Variants in PHF11 observed in about 807,000 individuals in gnomAD.
The protein encoded by PHF11 is PHD finger protein 11.
In PHF11, 38 loss-of-function variants were observed where a neutral mutation model predicts 40.5. That is an observed-to-expected ratio of 0.94 (90% CI 0.72 to 1.23). PHF11 has a LOEUF of 1.23. PHF11 is among the 50% of genes most tolerant of loss of function. The pLI, the probability that PHF11 is intolerant of heterozygous loss-of-function variation, is 0.00. For missense variants in PHF11, 369 were observed against 392.4 expected (o/e 0.94, Z 0.50); for synonymous variants, 127 against 138.2 (o/e 0.92, Z 0.57).
At chr13:49,525,484 G>C (rs879885092) in intron 8 of PHF11, among the ~76,000 whole-genome samples, 3 of 152,174 alleles carry the variant, frequency 2.0e-5, no homozygotes, top group Non-Finnish European at 2.9e-5. Context: ...CTGATCTCAT[G>C]TGATCTGCCC....
At chr13:49,511,991 G>A (rs186482741) in intron 2 of PHF11, among the ~76,000 whole-genome samples, 1 of 152,278 alleles carries the variant, frequency 6.6e-6, no homozygotes, top group East Asian at 1.9e-4. Flanking sequence ...AACCTTAAAA[G>A]TGATTGCATT....
At chr13:49,517,489 A>T (rs1327294694) in intron 3 of PHF11, among the ~76,000 whole-genome samples, 7 of 152,232 alleles carry the variant, frequency 4.6e-5, no homozygotes, top group South Asian at 2.1e-4. Flanking sequence ...TAGAATTTTT[A>T]AAAATTTTTG....
intron 9 of PHF11, among the ~76,000 whole-genome samples, chr13:49,527,995 T>C (rs73493244): frequency 0.04 from 6,104 of 152,328 alleles, 412 homozygotes; most frequent in African/African-American, 0.14. Context: ...CTACTATTTG[T>C]TATTTATAAA....
intron 2 of PHF11, among the ~76,000 whole-genome samples, chr13:49,509,828 A>C (rs1255588770): frequency 6.6e-6 from 1 of 151,550 alleles, no homozygotes; most frequent in Non-Finnish European, 1.5e-5. Context: ...AGTCCATTAA[A>C]CCTCTTTTTC....
chr13:49,496,124 C>T (rs1958801113), intron 1 of PHF11, 29 bp downstream of exon 1: 2 of 358,092 alleles, frequency 5.6e-6, no homozygotes, highest in South Asian at 5.2e-5. Flanking sequence ...GGCGGGCGGG[C>T]GGGCGGGGCT....
At position 49,526,293 on chromosome 13, in the gene PHF11, T is replaced by G. The variant is rs1452917823; in HGVS notation, c.770-94T>G. The G allele has an allele frequency of 3.8e-6, 3 of 780,434 alleles. No individual in the cohort carries two copies. The Admixed American group carries it at 6.1e-5, about 16-fold the overall frequency. 48.3% of individuals were successfully genotyped at this position (780,434 alleles called of 1,614,324 possible). ...AAAGTTCCATGGCACATGACTGCTC[T>G]CTTTCCTTTCCCCTGTTTTGGATTA... On this transcript the variant is annotated intron_variant, in intron 8 of 9. Transcript: ENST00000378319.
chr13:49,518,834 ATT>A (rs11402611), intron 4 of PHF11: 247 of 128,642 alleles, frequency 1.9e-3, no homozygotes, highest in Middle Eastern at 3.8e-3. Flanking sequence ...TTGCTAAATA[ATT>A]TTTTTTTTTT....
intron 7 of PHF11, 186 bp downstream of exon 7, chr13:49,523,427 G>C (rs1959201195): frequency 1.7e-6 from 1 of 595,038 alleles, no homozygotes; most frequent in South Asian, 2.1e-5. Flanking sequence ...GATAACTTAG[G>C]TTGGAATGGT....
intron 2 of PHF11, among the ~76,000 whole-genome samples, chr13:49,508,361 TATATA>T (rs1440188748): frequency 2.0e-5 from 3 of 147,286 alleles, no homozygotes; most frequent in Non-Finnish European, 3.0e-5. Flanking sequence ...CATATATTCA[TATATA>T]ATATATTACT....
At chr13:49,524,488 T>C (rs927366764) in intron 8 of PHF11, among the ~76,000 whole-genome samples, 3 of 152,060 alleles carry the variant, frequency 2.0e-5, no homozygotes, top group Non-Finnish European at 4.4e-5. Context: ...TTTTTTTTTT[T>C]TTTAAGACGG....
intron 3 of PHF11, among the ~76,000 whole-genome samples, chr13:49,515,994 G>T (rs970173222): frequency 6.6e-6 from 1 of 152,156 alleles, no homozygotes; most frequent in Non-Finnish European, 1.5e-5. Flanking sequence ...GCTTGCCAAT[G>T]GGGAAGCTCA....
intron 5 of PHF11, 80 bp downstream of exon 5, chr13:49,521,020 A>G: frequency 1.4e-6 from 2 of 1,464,874 alleles, no homozygotes; most frequent in East Asian, 2.3e-5. Flanking sequence ...CTAATTTTCT[A>G]GCCTCGTTGA....
intron 4 of PHF11, 108 bp from the exon 5 acceptor site, chr13:49,520,786 C>A: frequency 2.8e-6 from 2 of 707,250 alleles, no homozygotes; most frequent in Non-Finnish European, 4.4e-6. Flanking sequence ...TTTAGTGTGA[C>A]GCCGTCATGA....
At chr13:49,507,323 A>G (rs1959016194) in intron 2 of PHF11, among the ~76,000 whole-genome samples, 1 of 152,230 alleles carries the variant, frequency 6.6e-6, no homozygotes, top group South Asian at 2.1e-4. Flanking sequence ...AGATTTATCC[A>G]TGTTGGTAAA....
chr13:49,504,775 G>C (rs1250686790), intron 1 of PHF11, among the ~76,000 whole-genome samples: 30 of 151,986 alleles, frequency 2.0e-4, no homozygotes, highest in Admixed American at 1.2e-3. Flanking sequence ...AATAGAAAGG[G>C]GGGAAAGGTG....
chr13:49,498,522 G>A (rs988583722), intron 1 of PHF11, among the ~76,000 whole-genome samples: 27 of 151,982 alleles, frequency 1.8e-4, no homozygotes, highest in African/African-American at 6.3e-4. Context: ...GTACATTTCC[G>A]TTAGATCATT....
intron 1 of PHF11, among the ~76,000 whole-genome samples, chr13:49,503,636 T>C (rs764334730): frequency 3.3e-5 from 5 of 152,242 alleles, no homozygotes; most frequent in Non-Finnish European, 5.9e-5. Context: ...AACTTTTATA[T>C]TGACTAAATG....
At chr13:49,526,683 G>A (rs182808333) in intron 9 of PHF11, among the ~76,000 whole-genome samples, 17 of 150,790 alleles carry the variant, frequency 1.1e-4, no homozygotes, top group African/African-American at 4.1e-4. Flanking sequence ...GCACCTGGTG[G>A]AGACAGTAGT....
intron 4 of PHF11, among the ~76,000 whole-genome samples, chr13:49,519,557 C>T (rs1959177821): frequency 2.0e-5 from 3 of 151,804 alleles, no homozygotes; most frequent in South Asian, 2.1e-4. Flanking sequence ...CTAGGTGCTA[C>T]GAGATACAAA....
Sources: gnomAD v4.1 joint callset for allele counts (sites outside exome capture counted in the v4.1 genomes callset) on GRCh38, gnomAD v4.1.1 for gene constraint, MANE v1.5 for transcripts, NCBI Gene and HGNC (gene_info 2026-07-23, HGNC 2026-07-21) for gene names.